The following PIGU variants were observed in gnomAD, a reference collection of about 807,000 sequenced individuals.
PIGU encodes GPI-anchor transamidase component PIGU.
Under a neutral mutation model 49.9 loss-of-function variants are expected in PIGU, and 24 were observed. That is an observed-to-expected ratio of 0.48 (90% CI 0.35 to 0.68). PIGU has a LOEUF of 0.68. Ranked by LOEUF, PIGU falls within the 30% of genes least tolerant of loss-of-function variation. The pLI is 0.01. For missense variants in PIGU, 490 were observed against 532.6 expected, an observed-to-expected ratio of 0.92 and a Z score of 0.79; for synonymous variants, 220 against 205.7, an observed-to-expected ratio of 1.07 and a Z score of -0.59.
intron 1 of PIGU, among the ~76,000 whole-genome samples, chr20:34,662,314 C>T (rs1457076062): frequency 6.6e-6 from 1 of 151,876 alleles, no homozygotes; most frequent in Non-Finnish European, 1.5e-5. Flanking sequence ...CTCAAGCAAT[C>T]TTCCTGCCTC....
chr20:34,671,768 A>G (rs1036936102), intron 1 of PIGU, among the ~76,000 whole-genome samples: 2 of 151,826 alleles, frequency 1.3e-5, no homozygotes, highest in Non-Finnish European at 2.9e-5. Context: ...AAAAACACAA[A>G]ATTAGCCAGG....
intron 7 of PIGU, among the ~76,000 whole-genome samples, chr20:34,601,999 GGGCTGGGTATGGT>G (rs1984442108): frequency 6.6e-6 from 1 of 152,188 alleles, no homozygotes. Flanking sequence ...ATGTATGTAT[GGGCTGGGTATGGT>G]GGCTCACACC....
intron 2 of PIGU, among the ~76,000 whole-genome samples, chr20:34,656,721 G>A (rs1453360942): frequency 6.8e-6 from 1 of 147,504 alleles, no homozygotes; most frequent in Non-Finnish European, 1.5e-5. Context: ...AACCGTGATT[G>A]TGTCACTGCA....
intron 7 of PIGU, 43 bp downstream of exon 7, chr20:34,615,999 T>C: frequency 1.3e-6 from 2 of 1,577,606 alleles, no homozygotes; most frequent in African/African-American, 2.8e-5. Flanking sequence ...GGCCATGTAT[T>C]AAATGTCACT....
At chr20:34,588,307 C>T in intron 8 of PIGU, 146 bp downstream of exon 8, 1 of 771,586 alleles carries the variant, frequency 1.3e-6, no homozygotes, top group Non-Finnish European at 1.9e-6. Context: ...ATTGCTGGAT[C>T]AAATGGTAAT....
chr20:34,675,765 G>A (rs1393272055), intron 1 of PIGU, among the ~76,000 whole-genome samples: 1 of 152,130 alleles, frequency 6.6e-6, no homozygotes, highest in Non-Finnish European at 1.5e-5. Flanking sequence ...TGAAATCCCA[G>A]CACTTTGGGA....
chr20:34,612,214 T>G (rs773939769), intron 7 of PIGU, among the ~76,000 whole-genome samples: 7 of 152,134 alleles, frequency 4.6e-5, no homozygotes, highest in African/African-American at 9.7e-5. Flanking sequence ...GGGACATGGA[T>G]GAAGCTGGAA....
chr20:34,570,526 T>C (rs1383276158), intron 11 of PIGU, among the ~76,000 whole-genome samples: 2 of 152,168 alleles, frequency 1.3e-5, no homozygotes, highest in Non-Finnish European at 2.9e-5. Context: ...GCAATTCTTC[T>C]ACCTCAGCCT....
chr20:34,603,048 T>TG (rs1568634868), intron 7 of PIGU, among the ~76,000 whole-genome samples: 1 of 152,112 alleles, frequency 6.6e-6, no homozygotes, highest in Non-Finnish European at 1.5e-5. Context: ...TTTTTTTTTT[T>TG]CTTGTTACAA....
At chr20:34,668,871 T>A (rs1293029070) in intron 1 of PIGU, among the ~76,000 whole-genome samples, 2 of 15,504 alleles carry the variant, frequency 1.3e-4, no homozygotes, top group East Asian at 5.0e-3. Context: ...GTAAAACTTT[T>A]TTTTTTTTTT....
chr20:34,627,191 G>T (rs778428602), intron 6 of PIGU, among the ~76,000 whole-genome samples: 92 of 152,226 alleles, frequency 6.0e-4, no homozygotes, highest in Non-Finnish European at 1.1e-3. Context: ...TAACAAATAC[G>T]CAAGAGGAAC....
intron 6 of PIGU, among the ~76,000 whole-genome samples, chr20:34,631,184 T>C (rs1052740461): frequency 6.6e-6 from 1 of 151,818 alleles, no homozygotes; most frequent in East Asian, 1.9e-4. Flanking sequence ...TAAAAATGTA[T>C]AAAAATGTAA....
chr20:34,658,242 A>G (rs1414025775), intron 1 of PIGU, among the ~76,000 whole-genome samples: 20 of 151,442 alleles, frequency 1.3e-4, no homozygotes, highest in Non-Finnish European at 2.9e-5. Flanking sequence ...TGATCCGCCA[A>G]CCTCGGCCTC....
intron 1 of PIGU, among the ~76,000 whole-genome samples, chr20:34,658,915 C>G (rs1204123068): frequency 1.3e-5 from 2 of 150,990 alleles, no homozygotes; most frequent in African/African-American, 4.9e-5. Flanking sequence ...GGTCAACCCC[C>G]GCCAGGCCAG....
At chr20:34,570,697 G>A (rs531157344) in intron 11 of PIGU, among the ~76,000 whole-genome samples, 4 of 152,212 alleles carry the variant, frequency 2.6e-5, no homozygotes, top group East Asian at 1.9e-4. Flanking sequence ...GCGCCCGGCC[G>A]CATAAGCCAC....
At chr20:34,601,188 AGTGTT>A (rs1443873106) in intron 7 of PIGU, among the ~76,000 whole-genome samples, 3 of 152,162 alleles carry the variant, frequency 2.0e-5, no homozygotes, top group African/African-American at 7.2e-5. Context: ...AAGTGCTCTC[AGTGTT>A]AGACTGGAAA....
intron 7 of PIGU, among the ~76,000 whole-genome samples, chr20:34,614,222 G>A (rs150242656): frequency 4.8e-4 from 73 of 152,168 alleles, no homozygotes; most frequent in African/African-American, 1.6e-3. Context: ...GCTTGTGCCC[G>A]GGAGGTTGAG....
Position 34,644,032 on chromosome 20 carries a change from C to A in PIGU, c.318+132G>T, listed in dbSNP as rs923439646. ...GTTGATCATTCCAGAGCTGGCTGAA[C>A]AGGCCAGAAGTTTCACCATCACTTC... On this transcript the variant is annotated intron_variant, in intron 4 of 11. Transcript: ENST00000217446. 11 of 770,318 alleles carry A rather than the reference C, an allele frequency of 1.4e-5. No homozygotes were observed. In the South Asian group the frequency reaches 1.6e-4, roughly 11 times the overall value. The allele number at this position is 770,318 out of a possible 1,614,324, so 47.7% of individuals were successfully genotyped here.
intron 11 of PIGU, chr20:34,562,467 A>C (rs1464945051): frequency 7.8e-7 from 1 of 1,289,042 alleles, no homozygotes; most frequent in South Asian, 1.2e-5. Flanking sequence ...CTAAGGAGAG[A>C]TCAGAGGCGC....
Sources: allele counts gnomAD v4.1 joint callset (sites outside exome capture counted in the v4.1 genomes callset), GRCh38; gene constraint gnomAD v4.1.1; transcripts MANE v1.5; gene names NCBI Gene and HGNC (gene_info 2026-07-23, HGNC 2026-07-21).